CMSS1: variants seen among roughly 807,000 people sequenced by gnomAD.
CMSS1 encodes cms1 ribosomal small subunit homolog.
In CMSS1, 33 loss-of-function variants were observed where a neutral mutation model predicts 43.5. The ratio of observed to expected loss-of-function variants is 0.76; its 90% CI spans 0.57 to 1.01. The LOEUF (loss-of-function observed/expected upper bound fraction) is 1.01. CMSS1 is among the 50% of genes least tolerant of loss of function. The pLI is 0.00. For synonymous variants in CMSS1, 115 were observed against 117.2 expected, an observed-to-expected ratio of 0.98 and a Z score of 0.12; for missense variants, 313 against 326.4, an observed-to-expected ratio of 0.96 and a Z score of 0.32.
chr3:100,117,188 T>C (rs1021559620), intron 1 of CMSS1, among the ~76,000 whole-genome samples: 10 of 152,324 alleles, frequency 6.6e-5, no homozygotes, highest in African/African-American at 2.2e-4. Context: ...ATTTTTATTA[T>C]AGTTGCTATT....
chr3:100,038,857 G>GCA (rs1178995194), intron 1 of CMSS1, among the ~76,000 whole-genome samples: 1 of 152,140 alleles, frequency 6.6e-6, no homozygotes, highest in African/African-American at 2.4e-5. Context: ...AGTCCAAAAG[G>GCA]CACAGTACAG....
At chr3:100,049,613 A>C (rs1270448183) in intron 1 of CMSS1, among the ~76,000 whole-genome samples, 1 of 152,226 alleles carries the variant, frequency 6.6e-6, no homozygotes, top group Admixed American at 6.5e-5. Context: ...CTTGAACAAC[A>C]TGGTTTTGAA....
intron 1 of CMSS1, chr3:99,848,341 G>C: frequency 6.2e-7 from 1 of 1,614,152 alleles, no homozygotes; most frequent in Non-Finnish European, 8.5e-7. Context: ...TGGTGTGATA[G>C]TAATACTGCT....
At chr3:100,145,410 T>C (rs2066840679) in intron 1 of CMSS1, among the ~76,000 whole-genome samples, 1 of 151,654 alleles carries the variant, frequency 6.6e-6, no homozygotes. Context: ...ATCACACCAT[T>C]GCACTCCAGC....
intron 1 of CMSS1, among the ~76,000 whole-genome samples, chr3:99,960,922 A>G (rs766522886): frequency 5.9e-5 from 9 of 152,222 alleles, no homozygotes; most frequent in Non-Finnish European, 1.2e-4. Flanking sequence ...AGTGAAATGT[A>G]AAAAGAGTCT....
At chr3:99,965,852 G>C (rs930350768) in intron 1 of CMSS1, among the ~76,000 whole-genome samples, 1 of 152,068 alleles carries the variant, frequency 6.6e-6, no homozygotes, top group Non-Finnish European at 1.5e-5. Context: ...TGCCCAGCCC[G>C]CAGCCACTGG....
intron 1 of CMSS1, among the ~76,000 whole-genome samples, chr3:100,094,452 A>T (rs1056386303): frequency 6.6e-6 from 1 of 152,026 alleles, no homozygotes; most frequent in Non-Finnish European, 1.5e-5. Context: ...TAACTTATCA[A>T]TTTTTTTATG....
At chr3:100,037,260 C>G (rs535406360) in intron 1 of CMSS1, among the ~76,000 whole-genome samples, 2 of 152,182 alleles carry the variant, frequency 1.3e-5, no homozygotes, top group African/African-American at 4.8e-5. Flanking sequence ...GACATGATGT[C>G]TGCAACTTAC....
intron 1 of CMSS1, among the ~76,000 whole-genome samples, chr3:99,884,002 C>T (rs1705814588): frequency 6.6e-6 from 1 of 152,170 alleles, no homozygotes; most frequent in Non-Finnish European, 1.5e-5. Context: ...CAGAGAGTTA[C>T]AGAACTTTGT....
intron 1 of CMSS1, among the ~76,000 whole-genome samples, chr3:100,079,864 A>G (rs1463822032): frequency 2.0e-5 from 3 of 152,190 alleles, no homozygotes; most frequent in African/African-American, 7.2e-5. Flanking sequence ...AAAAATAACT[A>G]ACATAAAATA....
chr3:100,127,063 A>G (rs1237747333), intron 1 of CMSS1, among the ~76,000 whole-genome samples: 1 of 152,180 alleles, frequency 6.6e-6, no homozygotes, highest in Admixed American at 6.5e-5. Flanking sequence ...GCAGGCAGCT[A>G]TGCACGTCTC....
rs1310580919 is a variant in CMSS1 at position 100,171,735 on chromosome 3, G to A, written c.519-104G>A. On this transcript the variant is annotated intron_variant, in intron 6 of 9. Coordinates refer to ENST00000421999, the MANE Select transcript of CMSS1 (RefSeq NM_032359.4). ...TGTACATATGCACATATATACACAC[G>A]TATGCACACATCCTTTGAATAAAGC... 18 of 886,680 alleles carry A rather than the reference G, an allele frequency of 2.0e-5. No homozygotes were observed. The South Asian group carries it at 2.1e-4, about 10-fold the overall frequency. The allele number at this position is 886,680 out of a possible 1,614,324, so 54.9% of individuals were successfully genotyped here. A position where few individuals can be genotyped will look rare whatever the true frequency, so the allele number is the denominator to read the frequency against.
chr3:100,086,846 G>T (rs1453598126), intron 1 of CMSS1, among the ~76,000 whole-genome samples: 1 of 151,950 alleles, frequency 6.6e-6, no homozygotes, highest in Admixed American at 6.6e-5. Flanking sequence ...AATCCTTCAG[G>T]CTCCCTTTTT....
chr3:99,903,968 A>G (rs1455787057), intron 1 of CMSS1, among the ~76,000 whole-genome samples: 1 of 152,224 alleles, frequency 6.6e-6, no homozygotes, highest in Non-Finnish European at 1.5e-5. Flanking sequence ...AACAAGCCCA[A>G]GCTAATTGAG....
chr3:99,904,743 T>G (rs1576561795), intron 1 of CMSS1, among the ~76,000 whole-genome samples: 1 of 152,308 alleles, frequency 6.6e-6, no homozygotes, highest in Middle Eastern at 3.4e-3. Flanking sequence ...CCCACTTCTC[T>G]TCTGCGAGAC....
chr3:99,952,710 A>G, intron 1 of CMSS1, among the ~76,000 whole-genome samples: 1 of 152,206 alleles, frequency 6.6e-6, no homozygotes, highest in Non-Finnish European at 1.5e-5. Flanking sequence ...AATAATATCT[A>G]TAGTTTACTA....
intron 8 of CMSS1, among the ~76,000 whole-genome samples, chr3:100,175,110 T>G (rs1185359749): frequency 6.6e-6 from 1 of 152,192 alleles, no homozygotes; most frequent in East Asian, 1.9e-4. Context: ...AATATTCTAT[T>G]GTAAATTTAT....
At chr3:99,840,826 T>C (rs886212774) in intron 1 of CMSS1, among the ~76,000 whole-genome samples, 3 of 152,232 alleles carry the variant, frequency 2.0e-5, no homozygotes. Context: ...AGGCATAAAC[T>C]AGAACCTGAT....
At chr3:100,158,513 T>A (rs1274329300) in intron 2 of CMSS1, among the ~76,000 whole-genome samples, 5 of 152,214 alleles carry the variant, frequency 3.3e-5, no homozygotes, top group African/African-American at 4.8e-5. Flanking sequence ...GGATTTGGAT[T>A]TCTCCATAAA....
Sources: gnomAD v4.1 joint callset for allele counts (sites outside exome capture counted in the v4.1 genomes callset) on GRCh38, gnomAD v4.1.1 for gene constraint, MANE v1.5 for transcripts, NCBI Gene and HGNC (gene_info 2026-07-23, HGNC 2026-07-21) for gene names.